The following SLC37A1 variants were observed in gnomAD, a reference collection of about 807,000 sequenced individuals.
SLC37A1 encodes glucose-6-phosphate exchanger SLC37A1.
SLC37A1 carries 49 observed loss-of-function variants against 75.3 expected under a neutral mutation model. The observed-to-expected ratio is 0.65, with a 90% CI of 0.52 to 0.83. SLC37A1 has a LOEUF of 0.83. Ranked by LOEUF, SLC37A1 falls within the 40% of genes least tolerant of loss-of-function variation. SLC37A1 has a pLI of 0.00. For missense variants in SLC37A1, 566 were observed against 695.0 expected, an observed-to-expected ratio of 0.81 and a Z score of 2.09; for synonymous variants, 268 against 292.1, an observed-to-expected ratio of 0.92 and a Z score of 0.84.
rs78600507 is a variant in SLC37A1 at position 42,551,327 on chromosome 21, C to T, written c.769-2735C>T. On this transcript the variant is annotated intron_variant, in intron 9 of 19. Coordinates refer to ENST00000352133, the MANE Select transcript of SLC37A1 (RefSeq NM_001320537.2). ...TTTACAATAGCATCAAAAAACATTA[C>T]GCGAAGCAGAAGAAACCAGTCACAA... Among the ~76,000 whole-genome samples the T allele has an allele frequency of 3.9e-3, 595 of 152,288 alleles. 4 individuals are homozygous for T. Among genetic ancestry groups the T allele is most frequent in the African/African-American group, 0.013 (553 of 41,554 alleles).
At chr21:42,507,641 C>T (rs1357803301) in intron 2 of SLC37A1, among the ~76,000 whole-genome samples, 1 of 152,138 alleles carries the variant, frequency 6.6e-6, no homozygotes, top group South Asian at 2.1e-4. Context: ...AAGCATGGCA[C>T]CAGCACGTAC....
chr21:42,553,695 G>A (rs1003990328), intron 9 of SLC37A1, among the ~76,000 whole-genome samples: 5 of 151,530 alleles, frequency 3.3e-5, no homozygotes, highest in South Asian at 2.1e-4. Flanking sequence ...AGAAGCATTC[G>A]GCTGACCTAG....
At chr21:42,575,388 C>T in intron 18 of SLC37A1, 1 of 985,446 alleles carries the variant, frequency 1.0e-6, no homozygotes, top group Non-Finnish European at 1.2e-6. Flanking sequence ...CGGGAGCGGC[C>T]CCAACTTCTT....
intron 17 of SLC37A1, among the ~76,000 whole-genome samples, chr21:42,572,091 G>A (rs2056187650): frequency 6.6e-6 from 1 of 152,180 alleles, no homozygotes; most frequent in African/African-American, 2.4e-5. Context: ...AGTGCGTGAT[G>A]GCTGGATTCT....
rs115064768 is a variant in SLC37A1, at chr21:42,568,718, A to G, written c.1423+280A>G. On this transcript the variant is annotated intron_variant, in intron 17 of 19. Coordinates refer to ENST00000352133, the MANE Select transcript of SLC37A1 (RefSeq NM_001320537.2). ...ACAGCCCGTGGGCTAACTCAGGTCC[A>G]CTCATTATTTATCGCCTTCATCTCA... Among the ~76,000 whole-genome samples, 484 of 152,298 alleles carry G rather than the reference A, an allele frequency of 3.2e-3. 3 individuals carry two copies. Among genetic ancestry groups the G allele is most frequent in the African/African-American group, 0.011 (456 of 41,548 alleles).
intron 10 of SLC37A1, among the ~76,000 whole-genome samples, chr21:42,556,289 G>C (rs2055689425): frequency 6.6e-6 from 1 of 152,204 alleles, no homozygotes; most frequent in Non-Finnish European, 1.5e-5. Context: ...GGATCCTTCT[G>C]ATTGGCTGTG....
At chr21:42,560,254 G>T (rs111413096) in intron 11 of SLC37A1, 8,416 of 152,590 alleles carry the variant, frequency 0.055, 798 homozygotes, top group African/African-American at 0.19. Context: ...TCTTCCGATG[G>T]GGGCAGAGGG....
Position 42,580,452 on chromosome 21 carries a change from A to G in SLC37A1, c.*92A>G. Reference sequence around the variant, plus strand: ...CAGACAAAGGGCCCTGCATGGAAAGAGTGACCTCCCTTTGCCTTTTGCACA... The same window carrying G: ...CAGACAAAGGGCCCTGCATGGAAAGGGTGACCTCCCTTTGCCTTTTGCACA... On this transcript the variant is annotated 3_prime_UTR_variant, in exon 20 of 20. Coordinates refer to ENST00000352133, the MANE Select transcript of SLC37A1 (RefSeq NM_001320537.2). 1 of 1,422,516 alleles carries G rather than the reference A, an allele frequency of 7.0e-7. No individual in the cohort carries two copies. The highest frequency in any genetic ancestry group is 2.4e-5 in the East Asian group (1 of 42,256). The allele number at this position is 1,422,516 out of a possible 1,614,324, so 88.1% of individuals were successfully genotyped here. A position where few individuals can be genotyped will look rare whatever the true frequency, so the allele number is the denominator to read the frequency against.
At chr21:42,519,900 C>T (rs937035501) in intron 2 of SLC37A1, among the ~76,000 whole-genome samples, 1 of 152,198 alleles carries the variant, frequency 6.6e-6, no homozygotes, top group African/African-American at 2.4e-5. Flanking sequence ...CCTGTAGAAC[C>T]GCTGTATGTC....
intron 3 of SLC37A1, among the ~76,000 whole-genome samples, chr21:42,526,988 G>A (rs1448293111): frequency 6.6e-6 from 1 of 152,148 alleles, no homozygotes; most frequent in Admixed American, 6.5e-5. Flanking sequence ...TATACAAACA[G>A]CTCAAGAAAA....
At chr21:42,502,690 T>C (rs1279273392) in intron 2 of SLC37A1, 2 of 152,174 alleles carry the variant, frequency 1.3e-5, no homozygotes, top group Non-Finnish European at 2.9e-5. Flanking sequence ...TCTTACCAGA[T>C]GTAACCTTCC....
chr21:42,518,368 A>G lies in SLC37A1; in HGVS notation c.-87A>G. ...AGCCTGTGGGAGCGGCAGGGGCAAC[A>G]GAGAGAGGATCTGGAGCCAGGATTA... On this transcript the variant is annotated 5_prime_UTR_variant, in exon 2 of 20. Transcript: ENST00000352133. The G allele has an allele frequency of 1.3e-6, 2 of 1,557,704 alleles. No homozygotes were observed. The highest frequency in any genetic ancestry group is 1.1e-5 in the South Asian group (1 of 89,748).
At chr21:42,528,030 G>A (rs530397928) in intron 3 of SLC37A1, among the ~76,000 whole-genome samples, 10 of 152,284 alleles carry the variant, frequency 6.6e-5, no homozygotes, top group African/African-American at 2.2e-4. Context: ...CCAGAATATT[G>A]TAAGCAAAAC....
chr21:42,554,214 C>G (rs993309426), intron 10 of SLC37A1, 72 bp downstream of exon 10: 2 of 1,294,368 alleles, frequency 1.5e-6, no homozygotes, highest in African/African-American at 3.0e-5. Context: ...CACGTCGGCT[C>G]TCTGTCCCTC....
upstream of SLC37A1, among the ~76,000 whole-genome samples, chr21:42,513,259 G>T (rs2054457960): frequency 6.6e-6 from 1 of 152,128 alleles, no homozygotes; most frequent in Admixed American, 6.5e-5. Flanking sequence ...GCCCGCAAGG[G>T]TAAGAACCCG....
chr21:42,537,362 G>A (rs2055167631), intron 5 of SLC37A1, among the ~76,000 whole-genome samples: 1 of 152,198 alleles, frequency 6.6e-6, no homozygotes, highest in Admixed American at 6.5e-5. Context: ...CCACTTTGAG[G>A]TCAAATGTTT....
chr21:42,573,186 G>C (rs898067861), intron 17 of SLC37A1, among the ~76,000 whole-genome samples: 1 of 152,198 alleles, frequency 6.6e-6, no homozygotes, highest in African/African-American at 2.4e-5. Context: ...ATCAGGAGGA[G>C]TCTCTTTATC....
chr21:42,529,097 A>T (rs2054874471), intron 3 of SLC37A1, among the ~76,000 whole-genome samples: 1 of 152,250 alleles, frequency 6.6e-6, no homozygotes. Flanking sequence ...TATGCAAAAG[A>T]TTAACATATT....
At chr21:42,503,313 G>C (rs1449278971) in intron 2 of SLC37A1, among the ~76,000 whole-genome samples, 1 of 141,242 alleles carries the variant, frequency 7.1e-6, no homozygotes, top group South Asian at 2.2e-4. Context: ...GCAGTGGCAT[G>C]ATCACAGCTC....
Sources: gnomAD v4.1 joint callset for allele counts (sites outside exome capture counted in the v4.1 genomes callset) on GRCh38, gnomAD v4.1.1 for gene constraint, MANE v1.5 for transcripts, NCBI Gene and HGNC (gene_info 2026-07-23, HGNC 2026-07-21) for gene names.